Variants in IMMP2L observed in about 807,000 individuals in gnomAD.
IMMP2L encodes the protein mitochondrial inner membrane protease subunit 2.
In IMMP2L, 18 loss-of-function variants were observed where a neutral mutation model predicts 19.3. The ratio of observed to expected loss-of-function variants is 0.93; its 90% CI spans 0.64 to 1.38. The LOEUF is 1.38. Among genes scored for constraint, IMMP2L ranks in the 40% most tolerant of loss-of-function variants. The pLI is 0.00. For missense variants in IMMP2L, 233 were observed against 218.2 expected (o/e 1.07, Z -0.43); for synonymous variants, 76 against 73.0 (o/e 1.04, Z -0.21).
chr7:110,989,130 G>A (rs1457666899), intron 3 of IMMP2L, among the ~76,000 whole-genome samples: 1 of 152,146 alleles, frequency 6.6e-6, no homozygotes, highest in African/African-American at 2.4e-5. Context: ...AGCTACTAGA[G>A]AGGTTGAGAC....
At chr7:111,269,541 T>C (rs896238366) in intron 3 of IMMP2L, among the ~76,000 whole-genome samples, 2 of 152,118 alleles carry the variant, frequency 1.3e-5, no homozygotes, top group Non-Finnish European at 2.9e-5. Flanking sequence ...AAAAGACATA[T>C]TCACTGACAA....
chr7:111,316,845 C>CT (rs869155077), intron 3 of IMMP2L, among the ~76,000 whole-genome samples: 1,891 of 75,868 alleles, frequency 0.025, 23 homozygotes, highest in African/African-American at 0.03. Context: ...TTTTTTTTTT[C>CT]TTTTTTTTTT....
intron 4 of IMMP2L, among the ~76,000 whole-genome samples, chr7:110,908,183 T>C (rs1812670040): frequency 6.6e-6 from 1 of 152,166 alleles, no homozygotes; most frequent in Non-Finnish European, 1.5e-5. Context: ...ATAAACAGTA[T>C]CTCTGCATCC....
At chr7:111,216,587 T>A (rs1586874304) in intron 3 of IMMP2L, among the ~76,000 whole-genome samples, 1 of 152,130 alleles carries the variant, frequency 6.6e-6, no homozygotes, top group African/African-American at 2.4e-5. Context: ...TACAGTACTC[T>A]ATTATTAATT....
intron 3 of IMMP2L, among the ~76,000 whole-genome samples, chr7:111,443,721 C>CA (rs1240017391): frequency 2.6e-5 from 4 of 152,088 alleles, no homozygotes; most frequent in African/African-American, 9.7e-5. Flanking sequence ...TATATTAATT[C>CA]AAATATGTTC....
At chr7:110,855,427 T>G (rs1806658212) in intron 5 of IMMP2L, among the ~76,000 whole-genome samples, 1 of 151,930 alleles carries the variant, frequency 6.6e-6, no homozygotes, top group South Asian at 2.1e-4. Context: ...TGGCTCCACC[T>G]CCACCACTGA....
intron 5 of IMMP2L, among the ~76,000 whole-genome samples, chr7:110,723,016 T>C (rs1795673004): frequency 6.6e-6 from 1 of 152,180 alleles, no homozygotes; most frequent in African/African-American, 2.4e-5. Flanking sequence ...GTACCAATCA[T>C]CAAGTCTTCC....
intron 4 of IMMP2L, among the ~76,000 whole-genome samples, chr7:110,894,769 G>T (rs1393312617): frequency 6.6e-6 from 1 of 151,820 alleles, no homozygotes; most frequent in Non-Finnish European, 1.5e-5. Context: ...AGAAATTATT[G>T]CTTAACCCAA....
intron 3 of IMMP2L, among the ~76,000 whole-genome samples, chr7:111,319,589 A>T (rs78941824): frequency 0.02 from 3,021 of 152,180 alleles, 108 homozygotes; most frequent in African/African-American, 0.069. Context: ...TTTAGCTTTA[A>T]ATCAATTTTA....
chr7:111,518,018 A>G (rs1197790581), intron 2 of IMMP2L, among the ~76,000 whole-genome samples: 1 of 152,116 alleles, frequency 6.6e-6, no homozygotes, highest in Non-Finnish European at 1.5e-5. Flanking sequence ...CATTGAATTT[A>G]CCAATGCATC....
intron 2 of IMMP2L, among the ~76,000 whole-genome samples, chr7:111,501,828 A>G (rs769820124): frequency 6.6e-6 from 1 of 152,178 alleles, no homozygotes; most frequent in Non-Finnish European, 1.5e-5. Flanking sequence ...AGGAAGCACT[A>G]AACATAGAAA....
At chr7:111,531,966 TA>T (rs35672878) in intron 1 of IMMP2L, among the ~76,000 whole-genome samples, 1 of 151,634 alleles carries the variant, frequency 6.6e-6, no homozygotes, top group Non-Finnish European at 1.5e-5. Flanking sequence ...AAATTGGCTT[TA>T]AAAAAATTAA....
At position 111,123,164 on chromosome 7, in the gene IMMP2L, T is replaced by G; in HGVS notation, c.240-159599A>C. 1 of 1,614,012 alleles carries G rather than the reference T, an allele frequency of 6.2e-7. No homozygotes were observed. Among genetic ancestry groups the G allele is most frequent in the Non-Finnish European group, 8.5e-7 (1 of 1,179,982 alleles). The stretch of plus-strand genomic sequence containing the variant: ...CTAGAGGAAAACAAACTTACTGAAC[T>G]GCCTGAAAAATGTCTGTCCGAACTG... On this transcript the variant is annotated intron_variant, in intron 3 of 5. Transcript: ENST00000405709. The surrounding 1 kb of genome is among the most constrained non-coding windows in gnomAD (Gnocchi z 6.4).
At chr7:111,488,346 T>TTC (rs1224089213) in intron 2 of IMMP2L, among the ~76,000 whole-genome samples, 1 of 152,104 alleles carries the variant, frequency 6.6e-6, no homozygotes, top group Non-Finnish European at 1.5e-5. Context: ...CACCCACATT[T>TTC]TCCCCCAAGT....
chr7:111,405,754 T>C (rs1306585693), intron 3 of IMMP2L, among the ~76,000 whole-genome samples: 1 of 152,114 alleles, frequency 6.6e-6, no homozygotes, highest in East Asian at 1.9e-4. Context: ...AGGACTTTTG[T>C]CTTTCTCTAT....
chr7:111,437,952 C>A (rs1837350020), intron 3 of IMMP2L, among the ~76,000 whole-genome samples: 1 of 151,848 alleles, frequency 6.6e-6, no homozygotes, highest in African/African-American at 2.4e-5. Flanking sequence ...CTGTGTCCTC[C>A]CTAGTGGTGA....
chr7:111,138,936 A>G (rs906721542), intron 3 of IMMP2L, among the ~76,000 whole-genome samples: 9 of 152,178 alleles, frequency 5.9e-5, no homozygotes, highest in African/African-American at 2.2e-4. Context: ...AATATTGAAA[A>G]TTATGATGTA....
chr7:111,190,109 C>T (rs1808710115), intron 3 of IMMP2L, among the ~76,000 whole-genome samples: 1 of 152,106 alleles, frequency 6.6e-6, no homozygotes, highest in Admixed American at 6.6e-5. Context: ...TCATCTCATA[C>T]CATTTTTTAC....
At chr7:111,189,788 G>T (rs1189185549) in intron 3 of IMMP2L, among the ~76,000 whole-genome samples, 1 of 152,068 alleles carries the variant, frequency 6.6e-6, no homozygotes, top group Non-Finnish European at 1.5e-5. Flanking sequence ...CCCCAGGCAT[G>T]GGAAATAGAG....
Sources: gnomAD v4.1 joint callset for allele counts (sites outside exome capture counted in the v4.1 genomes callset) on GRCh38, gnomAD v4.1.1 for gene constraint, Gnocchi (gnomAD v3.1) non-coding constraint, MANE v1.5 for transcripts, NCBI Gene and HGNC (gene_info 2026-07-23, HGNC 2026-07-21) for gene names.